GABRB1: variants seen among roughly 807,000 people sequenced by gnomAD.
The protein encoded by GABRB1 is gamma-aminobutyric acid receptor subunit beta-1.
GABRB1 carries 17 observed loss-of-function variants against 51.6 expected under a neutral mutation model. The observed-to-expected ratio is 0.33, with a 90% CI of 0.23 to 0.49. The LOEUF (loss-of-function observed/expected upper bound fraction) is 0.49, where lower values mean the gene tolerates loss of function less well. GABRB1 is among the 20% of genes least tolerant of loss of function. GABRB1 has a pLI of 0.99. For missense variants in GABRB1, 410 were observed against 600.6 expected (o/e 0.68, Z 3.32); for synonymous variants, 247 against 218.9 (o/e 1.13, Z -1.14).
intron 1 of GABRB1, among the ~76,000 whole-genome samples, chr4:47,011,006 G>A (rs993123100): frequency 3.9e-5 from 6 of 151,910 alleles, no homozygotes; most frequent in Admixed American, 2.0e-4. Context: ...TTCAGCTAGA[G>A]GTAAAAATCT....
chr4:47,032,162 C>CACA (rs1725343791), intron 2 of GABRB1, among the ~76,000 whole-genome samples, 157 bp downstream of exon 2: 1 of 96,808 alleles, frequency 1.0e-5, no homozygotes, highest in African/African-American at 4.4e-5. Context: ...ACACACACAC[C>CACA]CCGGGTCCCC....
chr4:47,337,060 T>G (rs896213397), intron 5 of GABRB1, among the ~76,000 whole-genome samples: 5 of 152,146 alleles, frequency 3.3e-5, no homozygotes, highest in Admixed American at 2.0e-4. Context: ...TAATTAACCT[T>G]GGATTGGCAG....
intron 4 of GABRB1, among the ~76,000 whole-genome samples, chr4:47,279,005 C>T (rs1186062227): frequency 6.6e-6 from 1 of 151,934 alleles, no homozygotes; most frequent in Non-Finnish European, 1.5e-5. Context: ...TTGCATCTTC[C>T]CTTGTGAGGC....
At chr4:47,084,889 G>T (rs973419744) in intron 3 of GABRB1, among the ~76,000 whole-genome samples, 5 of 151,994 alleles carry the variant, frequency 3.3e-5, no homozygotes, top group Admixed American at 2.0e-4. Flanking sequence ...CCAATTTCTT[G>T]GTTCTCTCTT....
rs577646655 is a variant in GABRB1 at position 47,315,038 on chromosome 4, A to G, written c.462-5089A>G. ...AAATTGACAAATGGGACCTAATTAAACTAAAGAGCTTCTGCACAGCAAAAC... is the reference window on the plus strand; with the variant it reads ...AAATTGACAAATGGGACCTAATTAAGCTAAAGAGCTTCTGCACAGCAAAAC... On this transcript the variant is annotated intron_variant, in intron 4 of 8. Coordinates refer to ENST00000295454, the MANE Select transcript of GABRB1 (RefSeq NM_000812.4). Among the ~76,000 whole-genome samples the G allele has an allele frequency of 2.0e-5, 3 of 152,208 alleles. No homozygotes were observed. The South Asian group carries it at 6.2e-4, about 31-fold the overall frequency.
chr4:47,024,933 C>CATATATATATATATATATGTATATATAT (rs1725042021), intron 1 of GABRB1, among the ~76,000 whole-genome samples: 1 of 86,202 alleles, frequency 1.2e-5, no homozygotes, highest in Non-Finnish European at 2.3e-5. Context: ...AGTATTCCAT[C>CATATATATATATATATATGTATATATAT]ATATATATAT....
At chr4:47,228,706 C>T (rs1008407272) in intron 4 of GABRB1, among the ~76,000 whole-genome samples, 1 of 152,074 alleles carries the variant, frequency 6.6e-6, no homozygotes, top group Non-Finnish European at 1.5e-5. Context: ...AACTGTGAGA[C>T]AGTGGCAACA....
intron 3 of GABRB1, among the ~76,000 whole-genome samples, chr4:47,038,691 C>A (rs1725701935): frequency 1.3e-5 from 2 of 152,138 alleles, no homozygotes; most frequent in Admixed American, 1.3e-4. Context: ...ATGATTTTTG[C>A]CTTGGCAAGC....
chr4:47,357,236 G>A (rs568910566), intron 5 of GABRB1, among the ~76,000 whole-genome samples: 16 of 152,108 alleles, frequency 1.1e-4, no homozygotes, highest in Admixed American at 2.0e-4. Context: ...AAAAAGTTAG[G>A]GCGATTAGGA....
chr4:47,122,630 C>T (rs80337886), intron 3 of GABRB1, among the ~76,000 whole-genome samples: 1 of 1,756 alleles, frequency 5.7e-4, no homozygotes, highest in Non-Finnish European at 1.4e-3. Context: ...TCTCAAAGGA[C>T]ACTGGGTGCT....
intron 4 of GABRB1, among the ~76,000 whole-genome samples, chr4:47,164,109 C>T (rs961477606): frequency 6.6e-6 from 1 of 152,014 alleles, no homozygotes; most frequent in South Asian, 2.1e-4. Context: ...ATCACAAGAA[C>T]ATCATGGGGA....
At chr4:47,136,130 ACAGGCATGTGC>A (rs1367972620) in intron 3 of GABRB1, among the ~76,000 whole-genome samples, 1 of 152,124 alleles carries the variant, frequency 6.6e-6, no homozygotes, top group Non-Finnish European at 1.5e-5. Flanking sequence ...AGCTGGGACC[ACAGGCATGTGC>A]CACCACTCTC....
intron 4 of GABRB1, among the ~76,000 whole-genome samples, chr4:47,214,647 T>C (rs561816339): frequency 2.6e-5 from 4 of 152,130 alleles, no homozygotes; most frequent in Non-Finnish European, 4.4e-5. Flanking sequence ...TTCAAGTATA[T>C]TATATTAAAT....
chr4:47,232,068 G>A (rs1373748910), intron 4 of GABRB1, among the ~76,000 whole-genome samples: 2 of 152,096 alleles, frequency 1.3e-5, no homozygotes, highest in Non-Finnish European at 2.9e-5. Context: ...AATTTGTGAT[G>A]TATCCAATAT....
Position 47,090,341 on chromosome 4 carries a change from C to T in GABRB1, c.240+57857C>T, listed in dbSNP as rs148739648. On this transcript the variant is annotated intron_variant, in intron 3 of 8. Transcript: ENST00000295454. ...ACAAAATTACTCAAAAATTGTTATACGAAGACATTTTATAGGGTTGTGAAG... is the reference window on the plus strand; with the variant it reads ...ACAAAATTACTCAAAAATTGTTATATGAAGACATTTTATAGGGTTGTGAAG... Among the ~76,000 whole-genome samples, 530 of 152,082 alleles carry T rather than the reference C, an allele frequency of 3.5e-3. 3 individuals carry two copies. Among genetic ancestry groups the T allele is most frequent in the African/African-American group, 0.012 (516 of 41,482 alleles).
At chr4:47,425,564 T>C in intron 8 of GABRB1, 110 bp from the exon 9 acceptor site, 1 of 810,446 alleles carries the variant, frequency 1.2e-6, no homozygotes, top group Non-Finnish European at 2.0e-6. Context: ...AAGCCAGATG[T>C]TTAGGAACAC....
intron 4 of GABRB1, among the ~76,000 whole-genome samples, chr4:47,226,713 C>T (rs189831363): frequency 1.3e-5 from 2 of 152,152 alleles, no homozygotes; most frequent in Non-Finnish European, 2.9e-5. Context: ...CTATAAATAT[C>T]TCAATAAATA....
intron 5 of GABRB1, among the ~76,000 whole-genome samples, chr4:47,384,162 C>A (rs1367547861): frequency 1.3e-5 from 2 of 151,898 alleles, no homozygotes; most frequent in East Asian, 3.8e-4. Flanking sequence ...AAGAAAAAAT[C>A]ATCCATAATA....
chr4:47,308,446 T>G (rs1228904948), intron 4 of GABRB1, among the ~76,000 whole-genome samples: 1 of 152,100 alleles, frequency 6.6e-6, no homozygotes, highest in Non-Finnish European at 1.5e-5. Context: ...TTTGCACAAT[T>G]TATTCTTCTG....
Sources: gnomAD v4.1 joint callset for allele counts (sites outside exome capture counted in the v4.1 genomes callset) on GRCh38, gnomAD v4.1.1 for gene constraint, MANE v1.5 for transcripts, NCBI Gene and HGNC (gene_info 2026-07-23, HGNC 2026-07-21) for gene names.